The following STK39 variants were observed in gnomAD, a reference collection of about 807,000 sequenced individuals.
The protein encoded by STK39 is serine/threonine kinase 39, also known as STE20/SPS1-related proline-alanine-rich protein kinase.
Under a neutral mutation model 77.8 loss-of-function variants are expected in STK39, and 20 were observed. That is an observed-to-expected ratio of 0.26 (90% CI 0.18 to 0.37). The LOEUF (loss-of-function observed/expected upper bound fraction) is 0.37, where lower values mean the gene tolerates loss of function less well. STK39 is among the 10% of genes least tolerant of loss of function. The pLI, the probability that STK39 is intolerant of heterozygous loss-of-function variation, is 1.00. For missense variants in STK39, 479 were observed against 656.5 expected (o/e 0.73, Z 2.95); for synonymous variants, 246 against 234.1 (o/e 1.05, Z -0.47).
chr2:167,994,646 T>G (rs1203391420), intron 16 of STK39, among the ~76,000 whole-genome samples: 1 of 152,222 alleles, frequency 6.6e-6, no homozygotes, highest in African/African-American at 2.4e-5. Context: ...ACTTTCTATC[T>G]CTATGGATTT....
intron 14 of STK39, among the ~76,000 whole-genome samples, chr2:168,026,302 T>A (rs757511502): frequency 6.6e-5 from 10 of 152,206 alleles, no homozygotes; most frequent in Non-Finnish European, 1.3e-4. Flanking sequence ...CTCTGATCCA[T>A]CCTTCACACT....
intron 4 of STK39, 125 bp downstream of exon 4, chr2:168,163,614 A>G: frequency 6.3e-7 from 1 of 1,587,378 alleles, no homozygotes; most frequent in Non-Finnish European, 8.5e-7. Context: ...TGAACATCTG[A>G]ATTTAAACAT....
intron 5 of STK39, among the ~76,000 whole-genome samples, chr2:168,149,250 T>G (rs1343093839): frequency 6.6e-6 from 1 of 152,240 alleles, no homozygotes; most frequent in African/African-American, 2.4e-5. Flanking sequence ...ATAACCATCC[T>G]ACAGGGCTCC....
intron 16 of STK39, among the ~76,000 whole-genome samples, chr2:168,007,736 G>T (rs1354584841): frequency 6.6e-6 from 1 of 152,090 alleles, no homozygotes; most frequent in Non-Finnish European, 1.5e-5. Flanking sequence ...TGGCTGGGGT[G>T]GGGTGAGCAA....
intron 14 of STK39, among the ~76,000 whole-genome samples, chr2:168,028,723 G>A (rs1240343554): frequency 2.0e-5 from 3 of 151,432 alleles, no homozygotes; most frequent in African/African-American, 7.3e-5. Flanking sequence ...TAAGTTTAGG[G>A]TGTGGTGGGT....
chr2:168,033,923 C>T (rs1264707963), intron 14 of STK39, among the ~76,000 whole-genome samples: 2 of 152,204 alleles, frequency 1.3e-5, no homozygotes, highest in Non-Finnish European at 2.9e-5. Flanking sequence ...AAGGCATGGA[C>T]AGTGCCTTCT....
intron 16 of STK39, among the ~76,000 whole-genome samples, chr2:168,011,343 G>T (rs1684266280): frequency 6.7e-6 from 1 of 149,932 alleles, no homozygotes; most frequent in African/African-American, 2.5e-5. Flanking sequence ...ATCATTTAAG[G>T]GGAGCATGTC....
intron 10 of STK39, among the ~76,000 whole-genome samples, chr2:168,091,030 A>G (rs909913552): frequency 6.6e-6 from 1 of 152,172 alleles, no homozygotes; most frequent in African/African-American, 2.4e-5. Flanking sequence ...AATTCAAAGA[A>G]GCAAACAGAC....
chr2:168,111,952 C>A (rs2105471418), intron 10 of STK39, among the ~76,000 whole-genome samples: 1 of 152,216 alleles, frequency 6.6e-6, no homozygotes, highest in South Asian at 2.1e-4. Context: ...AGAATAAGTC[C>A]CATCACAGTC....
chr2:168,135,527 A>T (rs1281164856), intron 8 of STK39, among the ~76,000 whole-genome samples: 1 of 152,220 alleles, frequency 6.6e-6, no homozygotes, highest in Non-Finnish European at 1.5e-5. Context: ...GAGGGATAGA[A>T]AGGGGACAGA....
At chr2:168,181,213 T>C (rs1006818917) in intron 2 of STK39, among the ~76,000 whole-genome samples, 5 of 152,126 alleles carry the variant, frequency 3.3e-5, no homozygotes, top group Non-Finnish European at 5.9e-5. Context: ...CTCAAATAAA[T>C]GGCCAAAAGG....
intron 14 of STK39, among the ~76,000 whole-genome samples, chr2:168,052,930 G>A (rs1013973737): frequency 6.6e-6 from 1 of 152,160 alleles, no homozygotes; most frequent in Non-Finnish European, 1.5e-5. Flanking sequence ...GCGAGGAAGC[G>A]GTGTCTGCTG....
chr2:168,048,941 A>T (rs902255669), intron 14 of STK39, among the ~76,000 whole-genome samples: 1 of 152,206 alleles, frequency 6.6e-6, no homozygotes, highest in East Asian at 1.9e-4. Context: ...CAAATGCCTA[A>T]TGCATCATCT....
intron 1 of STK39, among the ~76,000 whole-genome samples, chr2:168,199,082 A>G (rs773198613): frequency 2.0e-5 from 3 of 152,112 alleles, no homozygotes; most frequent in Non-Finnish European, 2.9e-5. Context: ...GGCGGGGGAA[A>G]CTTCAGGGAC....
At chr2:168,179,643 A>C (rs1689035727) in intron 2 of STK39, among the ~76,000 whole-genome samples, 1 of 152,222 alleles carries the variant, frequency 6.6e-6, no homozygotes, top group East Asian at 1.9e-4. Context: ...CAAACTCATA[A>C]ATCCTAAGAC....
At chr2:168,133,565 A>G (rs1687756076) in intron 8 of STK39, among the ~76,000 whole-genome samples, 1 of 152,172 alleles carries the variant, frequency 6.6e-6, no homozygotes, top group Non-Finnish European at 1.5e-5. Flanking sequence ...AACTGGAAGA[A>G]ATTAAGAAAA....
At chr2:167,962,860 T>TCTGTGTGATCG (rs1051593343) in intron 17 of STK39, among the ~76,000 whole-genome samples, 2 of 152,088 alleles carry the variant, frequency 1.3e-5, no homozygotes, top group Non-Finnish European at 2.9e-5. Flanking sequence ...AGACTCAGGA[T>TCTGTGTGATCG]CTGTGTGATC....
At chr2:168,066,221 G>A (rs1685791549) in intron 12 of STK39, among the ~76,000 whole-genome samples, 1 of 152,170 alleles carries the variant, frequency 6.6e-6, no homozygotes, top group African/African-American at 2.4e-5. Flanking sequence ...TGGTGGTAGT[G>A]AAGTAATAGG....
At chr2:167,955,710 C>G in intron 17 of STK39, 140 bp from the exon 18 acceptor site, 1 of 749,764 alleles carries the variant, frequency 1.3e-6, no homozygotes, top group Non-Finnish European at 2.2e-6. Context: ...AAGAGAGACG[C>G]CAGCCACTCT....
Sources: allele counts gnomAD v4.1 joint callset (sites outside exome capture counted in the v4.1 genomes callset), GRCh38; gene constraint gnomAD v4.1.1; transcripts MANE v1.5; gene names NCBI Gene and HGNC (gene_info 2026-07-23, HGNC 2026-07-21).